Variants in CEP85L observed in about 807,000 individuals in gnomAD.
CEP85L encodes the protein centrosomal protein of 85 kDa-like.
Under a neutral mutation model 100.3 loss-of-function variants are expected in CEP85L, and 60 were observed. That is an observed-to-expected ratio of 0.60 (90% CI 0.49 to 0.74). CEP85L has a LOEUF of 0.74. Among genes scored for constraint, CEP85L ranks in the 30% least tolerant of loss-of-function variants. CEP85L has a pLI of 0.00. For missense variants in CEP85L, 973 were observed against 936.2 expected, an observed-to-expected ratio of 1.04 and a Z score of -0.51; for synonymous variants, 319 against 322.7, an observed-to-expected ratio of 0.99 and a Z score of 0.12.
At chr6:118,544,402 A>G (rs1266490043) in intron 3 of CEP85L, among the ~76,000 whole-genome samples, 1 of 152,148 alleles carries the variant, frequency 6.6e-6, no homozygotes, top group African/African-American at 2.4e-5. Context: ...TTGACTCTCA[A>G]TTGGGAATTT....
At chr6:118,608,506 A>G (rs982722929) in intron 2 of CEP85L, among the ~76,000 whole-genome samples, 3 of 152,106 alleles carry the variant, frequency 2.0e-5, no homozygotes, top group South Asian at 2.1e-4. Context: ...AAAAAAAAAA[A>G]GAACATTTCT....
intron 1 of CEP85L, among the ~76,000 whole-genome samples, chr6:118,684,597 C>A (rs1301733847): frequency 2.6e-5 from 4 of 152,174 alleles, no homozygotes; most frequent in Non-Finnish European, 5.9e-5. Flanking sequence ...TTATTAGTGA[C>A]CTGCAGGAAA....
intron 3 of CEP85L, chr6:118,565,090 C>T (rs2114994134): frequency 1.2e-5 from 2 of 166,722 alleles, no homozygotes; most frequent in South Asian, 3.2e-4. Context: ...TCTCATTGTA[C>T]AGATGAAGAA....
chr6:118,690,031 G>T (rs1220731931), intron 1 of CEP85L, among the ~76,000 whole-genome samples: 1 of 151,764 alleles, frequency 6.6e-6, no homozygotes, highest in Non-Finnish European at 1.5e-5. Context: ...TGGATTACAG[G>T]CATGAGCCAC....
intron 12 of CEP85L, among the ~76,000 whole-genome samples, chr6:118,466,020 C>T (rs1277617627): frequency 6.6e-6 from 1 of 151,980 alleles, no homozygotes; most frequent in Non-Finnish European, 1.5e-5. Context: ...GTGTCACACA[C>T]ACACACAGAG....
At chr6:118,700,318 G>A (rs1286001350) in intron 1 of CEP85L, among the ~76,000 whole-genome samples, 1 of 152,178 alleles carries the variant, frequency 6.6e-6, no homozygotes, top group Non-Finnish European at 1.5e-5. Flanking sequence ...TCCTTCACCT[G>A]TATTCTTACA....
intron 3 of CEP85L, among the ~76,000 whole-genome samples, chr6:118,533,644 T>C (rs779889492): frequency 6.6e-6 from 1 of 151,774 alleles, no homozygotes; most frequent in Admixed American, 6.6e-5. Flanking sequence ...GACAAGACAG[T>C]AGGAAAAAAG....
chr6:118,697,044 A>C (rs1281438008), intron 1 of CEP85L, among the ~76,000 whole-genome samples: 1 of 152,188 alleles, frequency 6.6e-6, no homozygotes, highest in African/African-American at 2.4e-5. Context: ...ACCCCACAGC[A>C]GACTCCCTTC....
chr6:118,621,264 T>A (rs1773424476), intron 2 of CEP85L, among the ~76,000 whole-genome samples: 1 of 152,172 alleles, frequency 6.6e-6, no homozygotes, highest in Admixed American at 6.5e-5. Flanking sequence ...GAATCATCAA[T>A]GAGGCAGTAA....
In CEP85L at chr6:118,632,596, G is replaced by A; in HGVS notation, c.89C>T (p.Ser30Leu). 6.2e-7 allele frequency: 1 copy of A among 1,609,954 alleles called. No homozygotes were observed. Among genetic ancestry groups the A allele is most frequent in the South Asian group, 1.1e-5 (1 of 89,712 alleles). ...RSFPAGPDYS[S>L]AWLPANESLW... ...TGATTCATTAGCAGGTAGCCATGCT[G>A]ATGAATAATCTGGGCCTAAAAAGGG... The change falls in exon 2 of 13, where the codon TCA becomes TTA. Residue 30 changes from serine to leucine, a missense_variant. Coordinates refer to ENST00000368491, the MANE Select transcript of CEP85L (RefSeq NM_001042475.3).
intron 2 of CEP85L, among the ~76,000 whole-genome samples, chr6:118,622,965 C>A (rs1403054821): frequency 6.6e-6 from 1 of 152,150 alleles, no homozygotes; most frequent in African/African-American, 2.4e-5. Flanking sequence ...ATTCCCCAAG[C>A]GAAACAGAAT....
chr6:118,639,927 T>C (rs1235974507), intron 1 of CEP85L, among the ~76,000 whole-genome samples: 1 of 152,208 alleles, frequency 6.6e-6, no homozygotes, highest in African/African-American at 2.4e-5. Context: ...AAATCCAGGA[T>C]ATTTTAAACT....
chr6:118,698,876 A>G (rs760539405), intron 1 of CEP85L, among the ~76,000 whole-genome samples: 1 of 151,434 alleles, frequency 6.6e-6, no homozygotes, highest in Non-Finnish European at 1.5e-5. Context: ...AGTGACGGTA[A>G]CCCCTGAGCT....
At chr6:118,480,640 C>T in intron 8 of CEP85L, 127 bp from the exon 9 acceptor site, 1 of 604,802 alleles carries the variant, frequency 1.7e-6, no homozygotes, top group Non-Finnish European at 2.9e-6. Context: ...TCAAGACCCA[C>T]AGACAGTATA....
intron 1 of CEP85L, among the ~76,000 whole-genome samples, chr6:118,658,470 A>G (rs1417645821): frequency 6.6e-6 from 1 of 152,166 alleles, no homozygotes; most frequent in Non-Finnish European, 1.5e-5. Flanking sequence ...CAATAGAGTT[A>G]CTTTGTCCTG....
At chr6:118,505,920 T>C (rs1291979540) in intron 5 of CEP85L, among the ~76,000 whole-genome samples, 1 of 152,194 alleles carries the variant, frequency 6.6e-6, no homozygotes, top group Middle Eastern at 3.2e-3. Context: ...ATAGGTTCAC[T>C]AATTATAAAT....
intron 3 of CEP85L, among the ~76,000 whole-genome samples, chr6:118,545,182 C>T (rs1202874156): frequency 1.3e-5 from 2 of 151,886 alleles, no homozygotes; most frequent in Non-Finnish European, 2.9e-5. Context: ...CAAAAATTTC[C>T]AAAAACCGAT....
At chr6:118,653,235 CTA>C (rs2115392902), upstream of CEP85L, among the ~76,000 whole-genome samples, 1 of 152,258 alleles carries the variant, frequency 6.6e-6, no homozygotes, top group Non-Finnish European at 1.5e-5. Flanking sequence ...GTGAAAGTAT[CTA>C]AAATATTTCA....
intron 3 of CEP85L, among the ~76,000 whole-genome samples, chr6:118,538,213 C>T (rs779421372): frequency 4.1e-4 from 62 of 151,900 alleles, no homozygotes; most frequent in Non-Finnish European, 8.1e-4. Flanking sequence ...TGCATCTTGA[C>T]CCTCAAAGTT....
Sources: allele counts gnomAD v4.1 joint callset (sites outside exome capture counted in the v4.1 genomes callset), GRCh38; gene constraint gnomAD v4.1.1; transcripts MANE v1.5; gene names NCBI Gene and HGNC (gene_info 2026-07-23, HGNC 2026-07-21).